The following MAPK8 variants were observed in gnomAD, a reference collection of about 807,000 sequenced individuals.
The protein encoded by MAPK8 is JUN N-terminal kinase.
In MAPK8, 13 loss-of-function variants were observed where a neutral mutation model predicts 52.9. That is an observed-to-expected ratio of 0.25 (90% CI 0.16 to 0.39). MAPK8 has a LOEUF of 0.39. Ranked by LOEUF, MAPK8 falls within the 10% of genes least tolerant of loss-of-function variation. MAPK8 has a pLI of 1.00. For missense variants in MAPK8, 300 were observed against 519.2 expected, an observed-to-expected ratio of 0.58 and a Z score of 4.10; for synonymous variants, 191 against 169.8, an observed-to-expected ratio of 1.12 and a Z score of -0.97.
chr10:48,321,631 A>G (rs1360345865), intron 1 of MAPK8, among the ~76,000 whole-genome samples: 2 of 152,160 alleles, frequency 1.3e-5, no homozygotes, highest in Admixed American at 6.5e-5. Flanking sequence ...TCTGAGTTTT[A>G]TAGTTTTAGC....
chr10:48,325,848 T>C (rs1843465822), intron 1 of MAPK8: 1 of 152,212 alleles, frequency 6.6e-6, no homozygotes, highest in South Asian at 2.1e-4. Flanking sequence ...TGCTCAAATA[T>C]TTTGTAGGAT....
intron 3 of MAPK8, among the ~76,000 whole-genome samples, chr10:48,406,616 A>G (rs1160164256): frequency 6.6e-6 from 1 of 152,158 alleles, no homozygotes; most frequent in African/African-American, 2.4e-5. Context: ...AATATGGGAA[A>G]ACTGGAAATG....
At chr10:48,334,390 G>GATTGGGACTCTGCAC (rs1256819134) in intron 1 of MAPK8, among the ~76,000 whole-genome samples, 1 of 152,154 alleles carries the variant, frequency 6.6e-6, no homozygotes, top group Non-Finnish European at 1.5e-5. Flanking sequence ...CGGAACTGCA[G>GATTGGGACTCTGCAC]ATTGGGACTC....
rs2044986673 is a variant in MAPK8 at position 48,437,947 on chromosome 10, T to A, written c.*2918T>A. On this transcript the variant is annotated 3_prime_UTR_variant, in exon 12 of 12. Coordinates refer to ENST00000374189, the MANE Select transcript of MAPK8 (RefSeq NM_001323329.2). Reference sequence around the variant, plus strand: ...GGAAGAGGACATCAGTGTCTGATAGTGAAATCATCAGCAGGAAAGTGAAGC... The same window carrying A: ...GGAAGAGGACATCAGTGTCTGATAGAGAAATCATCAGCAGGAAAGTGAAGC... The A allele has an allele frequency of 6.6e-6, 1 of 152,276 alleles. No homozygotes were observed. The highest frequency in any genetic ancestry group is 2.4e-5 in the African/African-American group (1 of 41,470). The allele number at this position is 152,276 out of a possible 1,614,324, so 9.4% of individuals were successfully genotyped here. A position where few individuals can be genotyped will look rare whatever the true frequency, so the allele number is the denominator to read the frequency against.
rs532925683 is a variant in MAPK8 at position 48,394,576 on chromosome 10, G to A, written c.-49-7036G>A. 2.6e-5 allele frequency among the ~76,000 whole-genome samples: 4 copies of A among 151,936 alleles called. No individual in the cohort carries two copies. In the South Asian group the frequency reaches 8.3e-4, roughly 31 times the overall value. On this transcript the variant is annotated intron_variant, in intron 1 of 11. Transcript: ENST00000374189. ...AAAAACTCTCAAACTAGGATTTAAAGGGAACTTTCTCAACCTGTCTGTCAA... is the reference window on the plus strand; with the variant it reads ...AAAAACTCTCAAACTAGGATTTAAAAGGAACTTTCTCAACCTGTCTGTCAA...
intron 1 of MAPK8, among the ~76,000 whole-genome samples, chr10:48,356,150 C>G (rs1846912574): frequency 6.6e-6 from 1 of 152,088 alleles, no homozygotes. Flanking sequence ...CTTAGTAAAT[C>G]TAAACAAACA....
At chr10:48,325,380 T>A (rs760419757) in intron 1 of MAPK8, among the ~76,000 whole-genome samples, 1 of 152,254 alleles carries the variant, frequency 6.6e-6, no homozygotes. Context: ...CCAACTCTTT[T>A]TAACATACCA....
At chr10:48,395,975 T>G (rs996230755) in intron 1 of MAPK8, among the ~76,000 whole-genome samples, 3 of 152,116 alleles carry the variant, frequency 2.0e-5, no homozygotes, top group Non-Finnish European at 4.4e-5. Flanking sequence ...ACAGTTATCA[T>G]AGATCTAAAT....
At chr10:48,359,045 C>A (rs1361803088) in intron 1 of MAPK8, among the ~76,000 whole-genome samples, 2 of 152,146 alleles carry the variant, frequency 1.3e-5, no homozygotes, top group African/African-American at 4.8e-5. Flanking sequence ...TATGAGTCCT[C>A]CGGCTTTATC....
At chr10:48,392,986 A>G (rs1728859975) in intron 1 of MAPK8, among the ~76,000 whole-genome samples, 2 of 152,016 alleles carry the variant, frequency 1.3e-5, no homozygotes, top group Admixed American at 6.6e-5. Context: ...TTGTTCTTTA[A>G]AACACTCTCT....
intron 1 of MAPK8, among the ~76,000 whole-genome samples, chr10:48,364,384 C>T (rs1847841653): frequency 6.6e-6 from 1 of 151,406 alleles, no homozygotes. Flanking sequence ...GTAACCAACC[C>T]TGAGGAGAAT....
At chr10:48,429,875 T>A (rs1051193011) in intron 10 of MAPK8, 7 of 152,196 alleles carry the variant, frequency 4.6e-5, no homozygotes, top group African/African-American at 1.7e-4. Flanking sequence ...ACAGACTCCT[T>A]GAAATTCGAT....
chr10:48,435,006 G>C lies in MAPK8; in HGVS notation c.1261G>C (p.Gly421Arg), dbSNP rs2044738415. The C allele has an allele frequency of 6.2e-7, 1 of 1,609,420 alleles. No homozygotes were observed. The highest frequency in any genetic ancestry group is 1.3e-5 in the African/African-American group (1 of 74,560). The part of the protein sequence containing the change: ...DTDSSLEAAA[G>R]PLGCCR ...AGACAGCAGTCTAGAAGCAGCAGCT[G>C]GGCCTCTGGGCTGCTGTAGATGACT... The change falls in exon 12 of 12, where the codon GGG (glycine) becomes CGG (arginine). Residue 421 changes from glycine to arginine, a missense_variant. This residue lies in a region of MAPK8 where 119 missense variants were observed against 154.4 expected (regional missense o/e 0.77). Transcript: ENST00000374189.
intron 1 of MAPK8, among the ~76,000 whole-genome samples, chr10:48,337,787 A>C (rs1443398478): frequency 1.3e-5 from 2 of 152,154 alleles, no homozygotes; most frequent in African/African-American, 4.8e-5. Context: ...ATACCATAGA[A>C]ATACAAAGAT....
chr10:48,420,126 AG>A (rs1375941393), intron 5 of MAPK8, 28 bp from the exon 6 acceptor site: 37 of 1,537,872 alleles, frequency 2.4e-5, no homozygotes, highest in Non-Finnish European at 3.2e-5. Context: ...ATATCATGGC[AG>A]TCATTTTTTA....
chr10:48,354,537 TAAAAC>T (rs1468658849), intron 1 of MAPK8, among the ~76,000 whole-genome samples: 2 of 152,204 alleles, frequency 1.3e-5, no homozygotes, highest in Admixed American at 1.3e-4. Context: ...GAGGACTTGT[TAAAAC>T]AAAGATTGCT....
At chr10:48,314,951 T>A (rs1466405963) in intron 1 of MAPK8, among the ~76,000 whole-genome samples, 1 of 152,230 alleles carries the variant, frequency 6.6e-6, no homozygotes, top group Non-Finnish European at 1.5e-5. Flanking sequence ...AAATAATCCA[T>A]CTTTGTCTTA....
At chr10:48,346,024 G>A (rs1845738205) in intron 1 of MAPK8, among the ~76,000 whole-genome samples, 1 of 152,118 alleles carries the variant, frequency 6.6e-6, no homozygotes, top group Admixed American at 6.5e-5. Context: ...AGCCAATATG[G>A]GAAGCAGTAA....
intron 1 of MAPK8, among the ~76,000 whole-genome samples, chr10:48,328,393 T>C (rs1843742837): frequency 6.6e-6 from 1 of 152,182 alleles, no homozygotes; most frequent in African/African-American, 2.4e-5. Flanking sequence ...GTGTTACTCT[T>C]TTTGATGATC....
Sources: allele counts gnomAD v4.1 joint callset (sites outside exome capture counted in the v4.1 genomes callset), GRCh38; gene constraint gnomAD v4.1.1; regional missense constraint gnomAD v4.1.1; transcripts MANE v1.5; gene names NCBI Gene and HGNC (gene_info 2026-07-23, HGNC 2026-07-21).